The following ZNF283 variants were observed in gnomAD, a reference collection of about 807,000 sequenced individuals.
ZNF283 encodes the protein zinc finger protein 41.
A neutral mutation model predicts 9.2 loss-of-function variants in ZNF283; 10 were observed. The ratio of observed to expected loss-of-function variants is 1.09; its 90% CI spans 0.67 to 1.85. The LOEUF is 1.85. Ranked by LOEUF, ZNF283 falls within the 40% of genes most tolerant of loss-of-function variation. The pLI is 0.00. For missense variants in ZNF283, 631 were observed against 760.1 expected (o/e 0.83, Z 2.00); for synonymous variants, 234 against 244.1 (o/e 0.96, Z 0.38).
At chr19:43,830,326 C>T (rs1970649812) in intron 2 of ZNF283, among the ~76,000 whole-genome samples, 1 of 152,108 alleles carries the variant, frequency 6.6e-6, no homozygotes, top group African/African-American at 2.4e-5. Context: ...GATCTGCCTG[C>T]CTCGGGCTCC....
At chr19:43,835,371 A>C in intron 4 of ZNF283, 134 bp from the exon 5 acceptor site, 1 of 618,438 alleles carries the variant, frequency 1.6e-6, no homozygotes, top group South Asian at 2.0e-5. Context: ...TTTAGGTGAA[A>C]GTTTGAATTC....
rs1971617599 is a variant in ZNF283 at position 43,851,737 on chromosome 19, A to C, written c.*3096A>C. The C allele has an allele frequency of 6.6e-6, 1 of 152,282 alleles. No individual in the cohort carries two copies. Among genetic ancestry groups the C allele is most frequent in the African/African-American group, 2.4e-5 (1 of 41,458 alleles). 9.4% of individuals were successfully genotyped at this position (152,282 alleles called of 1,614,324 possible). On this transcript the variant is annotated 3_prime_UTR_variant, in exon 7 of 7. Coordinates refer to ENST00000618787, the MANE Select transcript of ZNF283 (RefSeq NM_181845.2). ...GTCTCAAAAAAATAAAAATAAAAAA[A>C]GACTAAGGAGTATTCTAGTGAAGAA... is the stretch of plus-strand genomic sequence containing the variant.
In ZNF283 at chr19:43,847,762, C is replaced by G. The variant is rs1276700015; in HGVS notation, c.1161C>G (p.Gly387=). The G allele has an allele frequency of 1.2e-6, 2 of 1,612,948 alleles. No homozygotes were observed. Among genetic ancestry groups the G allele is most frequent in the Admixed American group, 3.3e-5 (2 of 59,896 alleles). ...CKICGKAFCW[G]YQLTRHQIFH... ...TATGTGGAAAGGCTTTTTGTTGGGG[C>G]TATCAACTTACTCGACATCAGATAT... Residue 387 remains glycine, a synonymous_variant, in exon 7 of 7, where the codon GGC becomes GGG. Transcript: ENST00000618787.
Position 43,847,356 on chromosome 19 carries a change from T to G in ZNF283, c.755T>G (p.Val252Gly), listed in dbSNP as rs1467603573. ...KNYLSAYQLN[V>G]HQRFHTGEKP... Reference sequence around the variant, plus strand: ...TATTTAAGTGCCTATCAACTCAATGTGCATCAGAGATTTCATACTGGTGAG... The same window carrying G: ...TATTTAAGTGCCTATCAACTCAATGGGCATCAGAGATTTCATACTGGTGAG... The change falls in exon 7 of 7, where the codon GTG becomes GGG. Residue 252 changes from valine to glycine, a missense_variant. Physicochemically the swap from Val to Gly is moderately radical, Grantham distance 109. Around this residue, in one of 3 missense-constraint regions of ZNF283, gnomAD observed 444 missense variants for 522.5 expected, o/e 0.85. Coordinates refer to ENST00000618787, the MANE Select transcript of ZNF283 (RefSeq NM_181845.2). 1 of 1,613,862 alleles carries G rather than the reference T, an allele frequency of 6.2e-7. No homozygotes were observed.
intron 6 of ZNF283, among the ~76,000 whole-genome samples, chr19:43,842,421 C>A (rs1453241625): frequency 6.6e-6 from 1 of 152,108 alleles, no homozygotes; most frequent in East Asian, 1.9e-4. Flanking sequence ...GTATACTGGC[C>A]ATTGTAGATG....
chr19:43,840,471 A>C (rs1410344397), intron 6 of ZNF283, among the ~76,000 whole-genome samples: 2 of 152,122 alleles, frequency 1.3e-5, no homozygotes, highest in African/African-American at 4.8e-5. Context: ...GGAGCTGAGG[A>C]GTGAAGGAAG....
At position 43,837,137 on chromosome 19, in the gene ZNF283, G is replaced by A. The variant is rs770377766; in HGVS notation, c.295G>A (p.Val99Met). The change falls in exon 6 of 7, where the codon GTG (valine) becomes ATG (methionine). Residue 99 changes from valine (V) to methionine (M), a missense_variant. Physicochemically the swap from Val to Met is conservative, Grantham distance 21. Coordinates refer to ENST00000618787, the MANE Select transcript of ZNF283 (RefSeq NM_181845.2). ...CLDPAQRDLY[V>M]DVMLENYSNL... ...GGACCCTGCTCAGAGGGACTTGTACGTGGATGTAATGTTGGAGAACTATAG... is the reference window on the plus strand; with the variant it reads ...GGACCCTGCTCAGAGGGACTTGTACATGGATGTAATGTTGGAGAACTATAG... 2.7e-5 allele frequency: 43 copies of A among 1,613,238 alleles called. No homozygotes were observed. Among genetic ancestry groups the A allele is most frequent in the Middle Eastern group, 3.3e-4 (2 of 6,074 alleles).
intron 4 of ZNF283, among the ~76,000 whole-genome samples, chr19:43,834,509 C>T (rs1402490099): frequency 6.6e-6 from 1 of 150,918 alleles, no homozygotes; most frequent in Non-Finnish European, 1.5e-5. Context: ...GTGTGGATTA[C>T]CTAAACAGAA....
intron 6 of ZNF283, among the ~76,000 whole-genome samples, chr19:43,842,476 A>G (rs935283123): frequency 6.6e-6 from 1 of 151,724 alleles, no homozygotes; most frequent in African/African-American, 2.4e-5. Flanking sequence ...CCTAATAGTT[A>G]AACTGTTCAG....
rs1161387524 is a variant in ZNF283, at chr19:43,851,288, T to C, written c.*2647T>C. 1 of 152,078 alleles carries C rather than the reference T, an allele frequency of 6.6e-6. No homozygotes were observed. Among genetic ancestry groups the C allele is most frequent in the Admixed American group, 6.6e-5 (1 of 15,264 alleles). The allele number at this position is 152,078 out of a possible 1,614,324, so 9.4% of individuals were successfully genotyped here. A position where few individuals can be genotyped will look rare whatever the true frequency, so the allele number is the denominator to read the frequency against. On this transcript the variant is annotated 3_prime_UTR_variant, in exon 7 of 7. Coordinates refer to ENST00000618787, the MANE Select transcript of ZNF283 (RefSeq NM_181845.2). ...AAATTATATCTCAAGGAATCACCAG[T>C]GCTTACTAGTACTTGACAATGAAGG...
intron 2 of ZNF283, among the ~76,000 whole-genome samples, chr19:43,828,536 GC>G (rs150781301): frequency 0.036 from 5,548 of 152,188 alleles, 335 homozygotes; most frequent in African/African-American, 0.12. Flanking sequence ...TTATAGAAAG[GC>G]ACCTCTTGTA....
intron 3 of ZNF283, among the ~76,000 whole-genome samples, chr19:43,832,679 T>A (rs754915833): frequency 6.6e-6 from 1 of 152,152 alleles, no homozygotes; most frequent in Non-Finnish European, 1.5e-5. Context: ...TTCTTTGGCA[T>A]AACAGGATAA....
chr19:43,834,788 G>A (rs998595148), intron 4 of ZNF283, among the ~76,000 whole-genome samples: 4 of 151,842 alleles, frequency 2.6e-5, no homozygotes, highest in African/African-American at 9.7e-5. Flanking sequence ...TAGAGACGGG[G>A]TTTCACCGTG....
intron 6 of ZNF283, among the ~76,000 whole-genome samples, chr19:43,842,048 C>T (rs1336964564): frequency 4.6e-5 from 7 of 152,128 alleles, no homozygotes; most frequent in Non-Finnish European, 1.0e-4. Context: ...GAAATTTCAA[C>T]CATTGTATCT....
rs1971500315 is a variant in ZNF283 at position 43,848,273 on chromosome 19, C to T, written c.1672C>T (p.Leu558Phe). 10 of 1,613,410 alleles carry T rather than the reference C, an allele frequency of 6.2e-6. 1 individual carries two copies. In the South Asian group the frequency reaches 8.8e-5, roughly 14 times the overall value. The stretch of plus-strand genomic sequence containing the variant: ...GAAGGCTTTTAGTCGTGGCTATCAC[C>T]TTACTCAACATCAGAAAATTCATAC... ...CGKAFSRGYH[L>F]TQHQKIHTGE... The change falls in exon 7 of 7, where the codon CTT (leucine) becomes TTT (phenylalanine). Residue 558 changes from leucine (L) to phenylalanine (F), a missense_variant. Around this residue, in one of 3 missense-constraint regions of ZNF283, gnomAD observed 444 missense variants for 522.5 expected, o/e 0.85. Transcript: ENST00000618787.
intron 6 of ZNF283, among the ~76,000 whole-genome samples, chr19:43,839,663 A>G (rs1568418992): frequency 6.6e-6 from 1 of 152,104 alleles, no homozygotes; most frequent in Non-Finnish European, 1.5e-5. Context: ...TAGTGCAATA[A>G]TTTCAAATGA....
intron 2 of ZNF283, 74 bp from the exon 3 acceptor site, chr19:43,831,244 C>A: frequency 9.6e-7 from 1 of 1,037,944 alleles, no homozygotes. Flanking sequence ...ATACCAAATA[C>A]TGTTTTGTTT....
intron 6 of ZNF283, among the ~76,000 whole-genome samples, chr19:43,842,510 A>G (rs1483332863): frequency 2.0e-5 from 3 of 152,214 alleles, no homozygotes; most frequent in Non-Finnish European, 4.4e-5. Context: ...TTAATAGCAG[A>G]TCACAATGAT....
intron 1 of ZNF283, chr19:43,827,961 G>T (rs1568411246): frequency 6.6e-6 from 1 of 152,186 alleles, no homozygotes; most frequent in Non-Finnish European, 1.5e-5. Flanking sequence ...TAGAAGAGGG[G>T]CCTCTAGGAG....
Sources: gnomAD v4.1 joint callset for allele counts (sites outside exome capture counted in the v4.1 genomes callset) on GRCh38, gnomAD v4.1.1 for gene constraint, gnomAD v4.1.1 regional missense constraint, MANE v1.5 for transcripts, NCBI Gene and HGNC (gene_info 2026-07-23, HGNC 2026-07-21) for gene names.